Variants in NRG1 observed in about 807,000 individuals in gnomAD.
The protein encoded by NRG1 is neuregulin 1.
A neutral mutation model predicts 63.8 loss-of-function variants in NRG1; 18 were observed. The ratio of observed to expected loss-of-function variants is 0.28; its 90% CI spans 0.19 to 0.42. NRG1 has a LOEUF of 0.42. NRG1 is among the 10% of genes least tolerant of loss of function. The pLI, the probability that NRG1 is intolerant of heterozygous loss-of-function variation, is 1.00. For synonymous variants in NRG1, 302 were observed against 301.3 expected (o/e 1.00, Z -0.02); for missense variants, 762 against 814.7 (o/e 0.94, Z 0.79).
In NRG1 at chr8:31,858,497, A is replaced by G. The variant is rs138946968; in HGVS notation, c.37+219066A>G. Reference sequence around the variant, plus strand: ...AGCAACAACAACAAACAATTTCTCAATCAGATTGTTACTTGTGAGGAAAAG... The same window carrying G: ...AGCAACAACAACAAACAATTTCTCAGTCAGATTGTTACTTGTGAGGAAAAG... On this transcript the variant is annotated intron_variant, in intron 1 of 10. Coordinates refer to the NRG1 transcript ENST00000519301. Among the ~76,000 whole-genome samples, 21 of 152,298 alleles carry G rather than the reference A, an allele frequency of 1.4e-4. 1 individual carries two copies. The East Asian group carries it at 2.5e-3, about 18-fold the overall frequency.
At chr8:32,196,353 C>T (rs207469027) in intron 1 of NRG1, among the ~76,000 whole-genome samples, 1 of 152,034 alleles carries the variant, frequency 6.6e-6, no homozygotes, top group Non-Finnish European at 1.5e-5. Flanking sequence ...CTGATGAGAG[C>T]GGAAGCATGA....
At chr8:31,652,428 G>A (rs528481559) in intron 1 of NRG1, among the ~76,000 whole-genome samples, 1 of 152,208 alleles carries the variant, frequency 6.6e-6, no homozygotes, top group South Asian at 2.1e-4. Context: ...AAAGCTTTTC[G>A]GTTGACATCA....
At chr8:32,611,960 T>C (rs2129541211) in intron 3 of NRG1, among the ~76,000 whole-genome samples, 1 of 152,204 alleles carries the variant, frequency 6.6e-6, no homozygotes, top group South Asian at 2.1e-4. Context: ...TTTGAGACCA[T>C]GCAACTTTTT....
intron 1 of NRG1, among the ~76,000 whole-genome samples, chr8:32,411,191 A>C (rs2129485440): frequency 6.6e-6 from 1 of 152,228 alleles, no homozygotes; most frequent in Admixed American, 6.5e-5. Context: ...ACTTTTTATC[A>C]GATGAGGAAC....
At chr8:31,906,789 G>T (rs1461229189) in intron 1 of NRG1, among the ~76,000 whole-genome samples, 1 of 151,918 alleles carries the variant, frequency 6.6e-6, no homozygotes, top group African/African-American at 2.4e-5. Context: ...TCACTCTTCA[G>T]TTTCTGCTGC....
At chr8:31,642,664 A>T (rs1803910103) in intron 1 of NRG1, among the ~76,000 whole-genome samples, 1 of 152,248 alleles carries the variant, frequency 6.6e-6, no homozygotes, top group Non-Finnish European at 1.5e-5. Context: ...ACGTTTTAAA[A>T]AAATGGGTTT....
At chr8:32,392,484 T>C (rs13270158) in intron 1 of NRG1, among the ~76,000 whole-genome samples, 51,572 of 152,152 alleles carry the variant, frequency 0.34, 9,193 homozygotes, top group Middle Eastern at 0.43. Flanking sequence ...CGCATCTCCA[T>C]GTTCCTCCTA....
chr8:32,461,844 C>T (rs73577971), intron 1 of NRG1, among the ~76,000 whole-genome samples: 4,129 of 152,230 alleles, frequency 0.027, 58 homozygotes, highest in Middle Eastern at 0.044. Context: ...CCAAATAGTT[C>T]GAATAGAATA....
chr8:32,762,128 C>T (rs556515667), intron 11 of NRG1, among the ~76,000 whole-genome samples: 4 of 150,134 alleles, frequency 2.7e-5, no homozygotes, highest in Admixed American at 1.3e-4. Context: ...TATTTTAGAA[C>T]GTTATGGAAT....
chr8:32,590,579 T>A (rs1048749685), intron 1 of NRG1, among the ~76,000 whole-genome samples: 4 of 152,206 alleles, frequency 2.6e-5, no homozygotes, highest in African/African-American at 9.7e-5. Flanking sequence ...TTAACAAGAA[T>A]TGACCCTAAG....
At chr8:31,639,516 C>A in intron 1 of NRG1, 1 of 1,509,296 alleles carries the variant, frequency 6.6e-7, no homozygotes, top group South Asian at 1.2e-5. Flanking sequence ...CTCCAGGGCT[C>A]TCTCCCTCGC....
intron 1 of NRG1, among the ~76,000 whole-genome samples, chr8:32,467,010 A>G (rs989623345): frequency 6.6e-6 from 1 of 152,096 alleles, no homozygotes; most frequent in South Asian, 2.1e-4. Flanking sequence ...ATTGACTCCC[A>G]TCACCTTTAC....
intron 1 of NRG1, among the ~76,000 whole-genome samples, chr8:32,191,073 G>C (rs1343321336): frequency 6.6e-6 from 1 of 151,562 alleles, no homozygotes; most frequent in African/African-American, 2.4e-5. Flanking sequence ...CTGGAACAAA[G>C]TTATCAGTTA....
intron 7 of NRG1, chr8:32,749,962 A>C (rs1170397250): frequency 4.9e-6 from 1 of 204,788 alleles, no homozygotes; most frequent in Non-Finnish European, 9.9e-6. Flanking sequence ...CCTGAGAACA[A>C]AGGCTTTTTA....
At chr8:32,695,392 G>A (rs538983727) in intron 5 of NRG1, among the ~76,000 whole-genome samples, 94 of 151,718 alleles carry the variant, frequency 6.2e-4, no homozygotes, top group Admixed American at 1.1e-3. Flanking sequence ...AGAGAGGAAG[G>A]AAGGAAGGAG....
intron 1 of NRG1, chr8:32,441,188 G>A (rs1443488971): frequency 2.6e-5 from 4 of 152,048 alleles, no homozygotes; most frequent in African/African-American, 9.7e-5. Context: ...TTGAAATTAG[G>A]CACTTTCCCT....
At chr8:31,884,795 T>G (rs556006793) in intron 1 of NRG1, among the ~76,000 whole-genome samples, 1 of 152,280 alleles carries the variant, frequency 6.6e-6, no homozygotes, top group South Asian at 2.1e-4. Flanking sequence ...ATTTGACATT[T>G]TTTTTTACAT....
intron 1 of NRG1, among the ~76,000 whole-genome samples, chr8:31,869,597 A>G (rs1300088601): frequency 6.6e-6 from 1 of 152,192 alleles, no homozygotes; most frequent in African/African-American, 2.4e-5. Context: ...GGTCCCATTA[A>G]GCTCTTGCCT....
At chr8:32,137,879 T>C (rs988428587) in intron 1 of NRG1, among the ~76,000 whole-genome samples, 6 of 152,194 alleles carry the variant, frequency 3.9e-5, no homozygotes, top group Non-Finnish European at 7.3e-5. Flanking sequence ...AAGTGTATAT[T>C]GTATATGTAG....
Sources: gnomAD v4.1 joint callset for allele counts (sites outside exome capture counted in the v4.1 genomes callset) on GRCh38, gnomAD v4.1.1 for gene constraint, MANE v1.5 for transcripts, NCBI Gene and HGNC (gene_info 2026-07-23, HGNC 2026-07-21) for gene names.